RSPH14: variants seen among roughly 807,000 people sequenced by gnomAD.
RSPH14 encodes the protein radial spoke head 14 homolog.
RSPH14 carries 20 observed loss-of-function variants against 26.7 expected under a neutral mutation model. The ratio of observed to expected loss-of-function variants is 0.75; its 90% CI spans 0.53 to 1.09. The LOEUF (loss-of-function observed/expected upper bound fraction) is 1.09. Ranked by LOEUF, RSPH14 falls within the 50% of genes least tolerant of loss-of-function variation. The pLI is 0.00. For synonymous variants in RSPH14, 177 were observed against 189.3 expected, an observed-to-expected ratio of 0.93 and a Z score of 0.53; for missense variants, 449 against 457.2, an observed-to-expected ratio of 0.98 and a Z score of 0.16.
At chr22:23,152,632 T>C in the RSPH14 span, 1 of 1,123,080 alleles carries the variant, frequency 8.9e-7, no homozygotes, top group Non-Finnish European at 1.3e-6. Flanking sequence ...TCATGTGGCT[T>C]CCAGGAACTG....
At chr22:23,100,434 G>A (rs1015427902) in intron 4 of RSPH14, among the ~76,000 whole-genome samples, 1 of 152,230 alleles carries the variant, frequency 6.6e-6, no homozygotes, top group African/African-American at 2.4e-5. Flanking sequence ...TGGTCAACAT[G>A]TTATCAGTGA....
chr22:23,160,702 GT>G, the RSPH14 span, among the ~76,000 whole-genome samples: 1 of 152,170 alleles, frequency 6.6e-6, no homozygotes, highest in African/African-American at 2.4e-5. Flanking sequence ...CCCTGGCACT[GT>G]GCTGCCTGTG....
intron 4 of RSPH14, among the ~76,000 whole-genome samples, chr22:23,128,394 C>A (rs1360729790): frequency 1.3e-5 from 2 of 152,212 alleles, no homozygotes; most frequent in Non-Finnish European, 2.9e-5. Flanking sequence ...TCACTCAGGG[C>A]CCAGCTGGCA....
intron 4 of RSPH14, among the ~76,000 whole-genome samples, chr22:23,077,870 C>T (rs1252790425): frequency 6.6e-6 from 1 of 152,220 alleles, no homozygotes; most frequent in Non-Finnish European, 1.5e-5. Flanking sequence ...GGTACCTCAC[C>T]CCTACTCCTC....
intron 4 of RSPH14, among the ~76,000 whole-genome samples, chr22:23,070,069 G>A (rs796551971): frequency 1.3e-5 from 2 of 152,262 alleles, no homozygotes; most frequent in African/African-American, 2.4e-5. Flanking sequence ...TCAGCGCAGC[G>A]GAGTCGGTGG....
intron 4 of RSPH14, among the ~76,000 whole-genome samples, chr22:23,117,469 C>G (rs184093299): frequency 6.6e-6 from 1 of 152,360 alleles, no homozygotes; most frequent in Non-Finnish European, 1.5e-5. Context: ...TCTCCCACTC[C>G]GTCCGGCTGA....
At chr22:23,165,950 T>C in the RSPH14 span, among the ~76,000 whole-genome samples, 3 of 152,022 alleles carry the variant, frequency 2.0e-5, no homozygotes, top group East Asian at 3.9e-4. Flanking sequence ...ATAGAGACCA[T>C]CCTGGCTAAC....
At chr22:23,180,461 G>C in the RSPH14 span, 2 of 168,734 alleles carry the variant, frequency 1.2e-5, no homozygotes, top group African/African-American at 4.8e-5. Context: ...GCCTGGCTCC[G>C]TCATCCGCGC....
At chr22:23,100,889 C>T (rs2069283535) in intron 4 of RSPH14, among the ~76,000 whole-genome samples, 1 of 152,210 alleles carries the variant, frequency 6.6e-6, no homozygotes, top group African/African-American at 2.4e-5. Flanking sequence ...CAAGGCCGTC[C>T]TGTGAACACA....
the RSPH14 span, chr22:23,152,363 GTC>G: frequency 3.2e-6 from 4 of 1,259,510 alleles, no homozygotes; most frequent in Non-Finnish European, 4.6e-6. Context: ...AGTGAGGGGT[GTC>G]TCACCAGCAG....
intron 4 of RSPH14, among the ~76,000 whole-genome samples, chr22:23,121,179 AC>A (rs757550566): frequency 2.0e-5 from 3 of 151,682 alleles, no homozygotes; most frequent in Non-Finnish European, 4.4e-5. Flanking sequence ...AAAGGCCAGC[AC>A]CCCCATCCCC....
chr22:23,159,151 C>T, the RSPH14 span: 2 of 1,610,692 alleles, frequency 1.2e-6, no homozygotes, highest in Non-Finnish European at 1.7e-6. Flanking sequence ...CAACAAGGGC[C>T]ATTTCTCCCA....
intron 4 of RSPH14, chr22:23,125,152 A>C (rs1444881314): frequency 1.3e-5 from 2 of 152,156 alleles, no homozygotes; most frequent in Non-Finnish European, 2.9e-5. Flanking sequence ...CCCCACCCCT[A>C]TACCTCCACA....
intron 4 of RSPH14, among the ~76,000 whole-genome samples, chr22:23,116,155 T>G (rs1462600577): frequency 1.3e-5 from 2 of 152,268 alleles, no homozygotes; most frequent in African/African-American, 4.8e-5. Context: ...GAAGCTGCCA[T>G]GACCTCCGTC....
At chr22:23,074,867 C>T (rs560464960) in intron 4 of RSPH14, among the ~76,000 whole-genome samples, 49 of 152,118 alleles carry the variant, frequency 3.2e-4, no homozygotes, top group Admixed American at 5.2e-4. Context: ...TTTGGGGGCC[C>T]CCATTTGAAA....
chr22:23,131,971 C>T (rs1399754610), intron 4 of RSPH14, among the ~76,000 whole-genome samples: 1 of 152,190 alleles, frequency 6.6e-6, no homozygotes, highest in Non-Finnish European at 1.5e-5. Context: ...CCTAGACCCT[C>T]ACAGGCTCTG....
chr22:23,134,288 G>T, intron 3 of RSPH14, 144 bp from the exon 4 acceptor site: 1 of 625,532 alleles, frequency 1.6e-6, no homozygotes, highest in Non-Finnish European at 2.8e-6. Context: ...GCAGACAAAG[G>T]CTACAGGTGC....
At chr22:23,145,270 C>A, upstream of RSPH14, 1 of 1,138,628 alleles carries the variant, frequency 8.8e-7, no homozygotes, top group Non-Finnish European at 1.3e-6. Context: ...CCATCCAGCA[C>A]CGCCCTTGTT....
upstream of RSPH14, chr22:23,146,555 C>T (rs752188028): frequency 1.1e-5 from 17 of 1,594,544 alleles, no homozygotes; most frequent in Non-Finnish European, 1.0e-5. Context: ...GGTGAATCCC[C>T]AGGTATTTGC....
Sources: allele counts gnomAD v4.1 joint callset (sites outside exome capture counted in the v4.1 genomes callset), GRCh38; gene constraint gnomAD v4.1.1; transcripts MANE v1.5; gene names NCBI Gene and HGNC (gene_info 2026-07-23, HGNC 2026-07-21).